Variants in BICRA observed in about 807,000 individuals in gnomAD.
BICRA encodes the protein BRD4 interacting chromatin remodeling complex associated protein, also known as BRD4-interacting chromatin-remodeling complex-associated protein.
In BICRA, 31 loss-of-function variants were observed where a neutral mutation model predicts 96.9. The observed-to-expected ratio is 0.32, with a 90% CI of 0.24 to 0.43. BICRA has a LOEUF of 0.43. Among genes scored for constraint, BICRA ranks in the 20% least tolerant of loss-of-function variants. BICRA has a pLI of 1.00. For synonymous variants in BICRA, 1,350 were observed against 1,071.8 expected (o/e 1.26, Z -5.07); for missense variants, 2,283 against 2,190.3 (o/e 1.04, Z -0.84).
chr19:47,696,252 C>T (rs1001119813), intron 10 of BICRA, among the ~76,000 whole-genome samples, 199 bp from the exon 11 acceptor site: 13 of 152,110 alleles, frequency 8.5e-5, no homozygotes, highest in African/African-American at 2.2e-4. Context: ...TCACCCTCTC[C>T]GTCCACTCCC....
chr19:47,673,479 C>A, intron 2 of BICRA, 91 bp from the exon 3 acceptor site: 1 of 1,001,202 alleles, frequency 1.0e-6, no homozygotes, highest in Non-Finnish European at 1.6e-6. Context: ...CTGACCCCCT[C>A]CAGGGGGCTC....
At chr19:47,656,275 C>T (rs181521572) in intron 1 of BICRA, among the ~76,000 whole-genome samples, 1 of 152,202 alleles carries the variant, frequency 6.6e-6, no homozygotes, top group Admixed American at 6.5e-5. Flanking sequence ...AACGAGAAGG[C>T]TGTGACGTGC....
intron 1 of BICRA, among the ~76,000 whole-genome samples, chr19:47,619,231 C>CT (rs2123507936): frequency 5.1e-5 from 2 of 38,968 alleles, no homozygotes; most frequent in Admixed American, 6.4e-4. Flanking sequence ...TTTTCCCAAC[C>CT]CCTTTTTTTT....
At chr19:47,613,842 T>A (rs1971946221) in intron 1 of BICRA, among the ~76,000 whole-genome samples, 1 of 152,090 alleles carries the variant, frequency 6.6e-6, no homozygotes, top group Non-Finnish European at 1.5e-5. Flanking sequence ...CACGCAAGTT[T>A]CCCCAGTGGA....
chr19:47,679,384 G>C lies in BICRA; in HGVS notation c.214G>C (p.Val72Leu). The C allele has an allele frequency of 3.5e-6, 5 of 1,438,504 alleles. No individual in the cohort carries two copies. Among genetic ancestry groups the C allele is most frequent in the Non-Finnish European group, 4.6e-6 (5 of 1,093,592 alleles). The allele number at this position is 1,438,504 out of a possible 1,614,324, so 89.1% of individuals were successfully genotyped here. A position where few individuals can be genotyped will look rare whatever the true frequency, so the allele number is the denominator to read the frequency against. Residue 72 changes from valine (V) to leucine (L), a missense_variant, in exon 6 of 15, where the codon GTG becomes CTG. Coordinates refer to ENST00000594866, the MANE Select transcript of BICRA (RefSeq NM_001394372.1). ...AGAGCCCAACCAGCCGGCCCCCAGT[G>C]TGGACCTAGACTTCCTGGAAGATGA... ...NPEPNQPAPS[V>L]DLDFLEDDIL...
At chr19:47,635,047 C>T (rs1972280032) in intron 1 of BICRA, among the ~76,000 whole-genome samples, 1 of 152,096 alleles carries the variant, frequency 6.6e-6, no homozygotes, top group South Asian at 2.1e-4. Flanking sequence ...CAGGCGTGAG[C>T]CACCGCTCCT....
At chr19:47,652,025 C>T (rs1408584828) in intron 1 of BICRA, among the ~76,000 whole-genome samples, 4 of 152,218 alleles carry the variant, frequency 2.6e-5, no homozygotes, top group Non-Finnish European at 5.9e-5. Context: ...TCTGCCAGCC[C>T]AAACCCCTGC....
intron 1 of BICRA, among the ~76,000 whole-genome samples, chr19:47,666,131 A>G (rs1972775239): frequency 6.6e-6 from 1 of 152,196 alleles, no homozygotes; most frequent in Non-Finnish European, 1.5e-5. Context: ...GGAGGCACAG[A>G]GGGGATAAGT....
chr19:47,644,834 T>A (rs1368832526), intron 1 of BICRA, among the ~76,000 whole-genome samples: 1 of 152,168 alleles, frequency 6.6e-6, no homozygotes, highest in Non-Finnish European at 1.5e-5. Flanking sequence ...TACAGGCCAG[T>A]AGAGCAAAAG....
At chr19:47,664,926 G>A (rs568975606) in intron 1 of BICRA, among the ~76,000 whole-genome samples, 1 of 152,198 alleles carries the variant, frequency 6.6e-6, no homozygotes, top group Admixed American at 6.5e-5. Flanking sequence ...GGGGGGCAGC[G>A]GACAGATGGT....
chr19:47,624,921 C>T (rs1441997863), intron 1 of BICRA, among the ~76,000 whole-genome samples: 4 of 149,936 alleles, frequency 2.7e-5, no homozygotes, highest in Non-Finnish European at 4.5e-5. Flanking sequence ...CTTGAACTCC[C>T]GGGCTCAAGT....
intron 5 of BICRA, among the ~76,000 whole-genome samples, chr19:47,677,735 G>C (rs1050688532): frequency 1.3e-5 from 2 of 152,182 alleles, no homozygotes; most frequent in African/African-American, 4.8e-5. Context: ...TGAACTCACA[G>C]TGCGGTTGGC....
chr19:47,696,886 G>A (rs1305284374), intron 11 of BICRA, among the ~76,000 whole-genome samples: 1 of 151,672 alleles, frequency 6.6e-6, no homozygotes, highest in Non-Finnish European at 1.5e-5. Context: ...CTGTTGGGAG[G>A]ATGATGGGGG....
chr19:47,647,572 G>T (rs984101192), intron 1 of BICRA, among the ~76,000 whole-genome samples: 1 of 152,114 alleles, frequency 6.6e-6, no homozygotes, highest in Non-Finnish European at 1.5e-5. Flanking sequence ...AGTAGGTCCT[G>T]TTAGGTAACA....
intron 7 of BICRA, among the ~76,000 whole-genome samples, chr19:47,685,786 T>TGTGCGCGCGCGCGCGCGCGCGC: frequency 1.7e-5 from 2 of 117,930 alleles, no homozygotes; most frequent in East Asian, 3.5e-4. Context: ...TGTGTGTGTG[T>TGTGCGCGCGCGCGCGCGCGCGC]GCGCGCGCGC....
In BICRA at chr19:47,698,506, C is replaced by G; in HGVS notation, c.3249-128C>G. 1.5e-6 allele frequency: 1 copy of G among 652,890 alleles called. No homozygotes were observed. The highest frequency in any genetic ancestry group is 2.8e-6 in the Non-Finnish European group (1 of 359,976). 40.4% of individuals were successfully genotyped at this position (652,890 alleles called of 1,614,324 possible). A position where few individuals can be genotyped will look rare whatever the true frequency, so the allele number is the denominator to read the frequency against. On this transcript the variant is annotated intron_variant, in intron 11 of 14. Coordinates refer to ENST00000594866, the MANE Select transcript of BICRA (RefSeq NM_001394372.1). This position sits in a 1 kb window ranked among gnomAD's most constrained non-coding sequence, Gnocchi z 4.8. Reference sequence around the variant, plus strand: ...GTTCAGTACATGGGAACACCACTGCCCAAGTATTCCCCTTCCCGCTGTTGT... The same window carrying G: ...GTTCAGTACATGGGAACACCACTGCGCAAGTATTCCCCTTCCCGCTGTTGT...
At position 47,619,201 on chromosome 19, in the gene BICRA, C is replaced by CATATAT. The variant is rs10528949; in HGVS notation, c.-108+10039_-108+10044dup. Among the ~76,000 whole-genome samples the CATATAT allele has an allele frequency of 8.7e-3, 1,229 of 141,274 alleles. 15 individuals are homozygous for CATATAT. Among genetic ancestry groups the CATATAT allele is most frequent in the African/African-American group, 0.03 (1,130 of 37,754 alleles). The allele number at this position is 141,274 out of a possible 152,430, so 92.7% of individuals were successfully genotyped here. On this transcript the variant is annotated intron_variant, in intron 1 of 14. Transcript: ENST00000594866. ...CAGTGTATATATATATGTATATATACATATATATATACACATTTTTTTTCC... is the reference window on the plus strand; with the variant it reads ...CAGTGTATATATATATGTATATATACATATATATATATATATACACATTTTTTTTCC...
chr19:47,696,835 G>T (rs1008099007), intron 11 of BICRA, among the ~76,000 whole-genome samples: 1 of 152,070 alleles, frequency 6.6e-6, no homozygotes, highest in African/African-American at 2.4e-5. Flanking sequence ...CCCACTGGGT[G>T]GGTGAAGTGA....
intron 7 of BICRA, among the ~76,000 whole-genome samples, chr19:47,693,533 G>A (rs894475009): frequency 1.3e-5 from 2 of 152,220 alleles, no homozygotes; most frequent in Non-Finnish European, 2.9e-5. Flanking sequence ...CTGTCCCTGT[G>A]TGGCCATCCG....
Sources: allele counts gnomAD v4.1 joint callset (sites outside exome capture counted in the v4.1 genomes callset), GRCh38; gene constraint gnomAD v4.1.1; non-coding constraint Gnocchi (gnomAD v3.1); transcripts MANE v1.5; gene names NCBI Gene and HGNC (gene_info 2026-07-23, HGNC 2026-07-21).